NCOR2: variants seen among roughly 807,000 people sequenced by gnomAD.
NCOR2 encodes CTG repeat protein 26.
In NCOR2, 81 loss-of-function variants were observed where a neutral mutation model predicts 262.9. The observed-to-expected ratio is 0.31, with a 90% CI of 0.26 to 0.37. NCOR2 has a LOEUF of 0.37. Ranked by LOEUF, NCOR2 falls within the 10% of genes least tolerant of loss-of-function variation. The pLI, the probability that NCOR2 is intolerant of heterozygous loss-of-function variation, is 1.00. For missense variants in NCOR2, 3,385 were observed against 3,621.4 expected, an observed-to-expected ratio of 0.93 and a Z score of 1.68; for synonymous variants, 1,659 against 1,559.3, an observed-to-expected ratio of 1.06 and a Z score of -1.51.
chr12:124,363,546 G>A, intron 21 of NCOR2, 133 bp downstream of exon 23: 1 of 920,550 alleles, frequency 1.1e-6, no homozygotes, highest in Non-Finnish European at 1.5e-6. Flanking sequence ...GCTCCACGGG[G>A]ATTTCTCCAG....
intron 1 of NCOR2, among the ~76,000 whole-genome samples, chr12:124,525,152 C>T (rs1219254452): frequency 1.3e-5 from 2 of 152,184 alleles, no homozygotes; most frequent in Admixed American, 6.5e-5. Flanking sequence ...TGCTCTGCTC[C>T]AGCCATTACA....
intron 13 of NCOR2, among the ~76,000 whole-genome samples, chr12:124,412,148 C>T (rs1050903270): frequency 6.6e-6 from 1 of 152,262 alleles, no homozygotes; most frequent in African/African-American, 2.4e-5. Context: ...GCACACAGCG[C>T]GGGTCTGAGT....
chr12:124,357,684 C>T (rs773997747), intron 22 of NCOR2, among the ~76,000 whole-genome samples: 2 of 152,268 alleles, frequency 1.3e-5, no homozygotes, highest in Admixed American at 6.5e-5. Context: ...TGAATCCTTG[C>T]AACAGAGATT....
At chr12:124,478,730 AAGAC>A (rs1330003070) in intron 3 of NCOR2, among the ~76,000 whole-genome samples, 22 of 152,124 alleles carry the variant, frequency 1.4e-4, no homozygotes, top group Non-Finnish European at 2.9e-4. Flanking sequence ...CACAGAGACG[AAGAC>A]AGACAGACAG....
At chr12:124,437,864 C>A in intron 8 of NCOR2, 66 bp downstream of exon 10, 4 of 1,477,420 alleles carry the variant, frequency 2.7e-6, no homozygotes, top group Non-Finnish European at 2.8e-6. Flanking sequence ...GCAGGTGTGG[C>A]CCCCTGTGCG....
rs746252082 is a variant in NCOR2, at chr12:124,340,463, G to C, written c.5339-20C>G. 8.1e-6 allele frequency: 13 copies of C among 1,608,966 alleles called. 1 individual carries two copies. The Admixed American group carries it at 2.2e-4, about 27-fold the overall frequency. On this transcript the variant is annotated intron_variant, in intron 35 of 46. Coordinates refer to ENST00000405201, the Ensembl canonical transcript of NCOR2. Reference sequence around the variant, plus strand: ...GACCTCCTAGGAAACCCAAAGGCCAGAGACTCAGCCCCAGGGCCGAAGAAG... The same window carrying C: ...GACCTCCTAGGAAACCCAAAGGCCACAGACTCAGCCCCAGGGCCGAAGAAG...
chr12:124,479,400 C>G (rs191766562), intron 3 of NCOR2, among the ~76,000 whole-genome samples: 1 of 151,944 alleles, frequency 6.6e-6, no homozygotes, highest in African/African-American at 2.4e-5. Context: ...CATGGACACA[C>G]GCACGCACAC....
At chr12:124,374,373 GCCCGGCC>G in intron 19 of NCOR2, 33 bp downstream of exon 21, 2 of 1,604,108 alleles carry the variant, frequency 1.2e-6, no homozygotes, top group Non-Finnish European at 1.7e-6. Flanking sequence ...GCCCGCCCCG[GCCCGGCC>G]CTACCCCCCA....
At chr12:124,518,191 AACTCTCTC>A (rs1236671749) in intron 1 of NCOR2, 1 of 152,716 alleles carries the variant, frequency 6.5e-6, no homozygotes, top group African/African-American at 2.4e-5. Context: ...AACTTGAAGT[AACTCTCTC>A]ACAAGAAAAA....
intron 16 of NCOR2, among the ~76,000 whole-genome samples, chr12:124,388,373 G>A (rs1050871903): frequency 2.6e-5 from 4 of 152,132 alleles, no homozygotes; most frequent in Non-Finnish European, 4.4e-5. Context: ...CTACCCTACC[G>A]TGCCTTGGAG....
intron 20 of NCOR2, 80 bp downstream of exon 22, chr12:124,371,942 G>C (rs1480576724): frequency 1.7e-5 from 24 of 1,383,428 alleles, no homozygotes; most frequent in Non-Finnish European, 2.1e-5. Context: ...GCCAGACTGG[G>C]TGCGGCTGTC....
At chr12:124,369,872 C>T (rs546292714) in intron 20 of NCOR2, among the ~76,000 whole-genome samples, 81 of 152,136 alleles carry the variant, frequency 5.3e-4, no homozygotes, top group South Asian at 2.3e-3. Flanking sequence ...AAGTGCCCTG[C>T]GGGGCCTCAG....
chr12:124,547,703 T>G (rs1407238072), intron 1 of NCOR2, among the ~76,000 whole-genome samples: 2 of 152,150 alleles, frequency 1.3e-5, no homozygotes, highest in Non-Finnish European at 2.9e-5. Context: ...ACCACCAATC[T>G]GCTTTCTGTC....
intron 13 of NCOR2, among the ~76,000 whole-genome samples, chr12:124,414,669 C>T (rs941247217): frequency 1.3e-5 from 2 of 152,240 alleles, no homozygotes; most frequent in African/African-American, 4.8e-5. Context: ...TGAGCTCCCT[C>T]CCACTAGACG....
chr12:124,549,226 G>A lies in NCOR2; in HGVS notation c.-164-13615C>T, dbSNP rs115552406. 9.8e-3 allele frequency among the ~76,000 whole-genome samples: 1,486 copies of A among 152,054 alleles called. 24 individuals are homozygous for A. Among genetic ancestry groups the A allele is most frequent in the African/African-American group, 0.034 (1,403 of 41,448 alleles). On this transcript the variant is annotated intron_variant, in intron 1 of 32. Coordinates refer to the NCOR2 transcript ENST00000458234. The surrounding 1 kb of genome is among the most constrained non-coding windows in gnomAD (Gnocchi z 4.4). ...CACCGAGAGGATCAGATGAATTCAC[G>A]TGGCATGTGCCGCACTGAGACAGGC...
chr12:124,409,354 C>T (rs933732212), intron 13 of NCOR2, among the ~76,000 whole-genome samples: 9 of 152,352 alleles, frequency 5.9e-5, no homozygotes, highest in African/African-American at 4.8e-5. Context: ...GGCCTTTGCA[C>T]GTGCTGTGCC....
At chr12:124,560,386 T>C (rs1004863607) in intron 1 of NCOR2, among the ~76,000 whole-genome samples, 5 of 152,234 alleles carry the variant, frequency 3.3e-5, no homozygotes, top group Non-Finnish European at 5.9e-5. Flanking sequence ...TTTCATATGA[T>C]TTCACATGTC....
exon 47 of NCOR2, chr12:124,325,312 T>TG: frequency 1.2e-6 from 1 of 850,586 alleles, no homozygotes; most frequent in South Asian, 4.1e-5. Context: ...CTTCCTTGGT[T>TG]GGGGGAGTCG....
chr12:124,353,232 G>A (rs922759696), intron 27 of NCOR2, among the ~76,000 whole-genome samples: 11 of 152,244 alleles, frequency 7.2e-5, no homozygotes, highest in South Asian at 4.1e-4. Flanking sequence ...CAGGAATACT[G>A]TTAGCAAAGG....
Sources: allele counts gnomAD v4.1 joint callset (sites outside exome capture counted in the v4.1 genomes callset), GRCh38; gene constraint gnomAD v4.1.1; non-coding constraint Gnocchi (gnomAD v3.1); transcripts MANE v1.5; gene names NCBI Gene and HGNC (gene_info 2026-07-23, HGNC 2026-07-21).